The following PUM1 variants were observed in gnomAD, a reference collection of about 807,000 sequenced individuals.
The protein encoded by PUM1 is pumilio RNA binding family member 1, also known as pumilio homolog 1.
Under a neutral mutation model 131.8 loss-of-function variants are expected in PUM1, and 13 were observed. The ratio of observed to expected loss-of-function variants is 0.10; its 90% CI spans 0.06 to 0.16. PUM1 has a LOEUF of 0.16. PUM1 is among the 10% of genes least tolerant of loss of function. PUM1 has a pLI of 1.00. For missense variants in PUM1, 961 were observed against 1,512.4 expected, an observed-to-expected ratio of 0.64 and a Z score of 6.05; for synonymous variants, 509 against 556.5, an observed-to-expected ratio of 0.91 and a Z score of 1.20.
chr1:31,050,886 G>T, intron 2 of PUM1: 1 of 253,524 alleles, frequency 3.9e-6, no homozygotes. Context: ...GTCACCAGCA[G>T]CTCTACTGGA....
intron 14 of PUM1, among the ~76,000 whole-genome samples, chr1:30,960,171 T>C (rs1640346400): frequency 1.3e-5 from 2 of 152,178 alleles, no homozygotes; most frequent in Admixed American, 6.5e-5. Flanking sequence ...CCAAAGTACT[T>C]GGGACCAGAA....
At chr1:30,989,900 G>C (rs1641721039) in intron 7 of PUM1, among the ~76,000 whole-genome samples, 1 of 152,166 alleles carries the variant, frequency 6.6e-6, no homozygotes, top group Non-Finnish European at 1.5e-5. Flanking sequence ...CTACAAAACT[G>C]AGTGTCAGAG....
chr1:30,942,723 C>T (rs1472082256), intron 18 of PUM1, among the ~76,000 whole-genome samples: 2 of 152,220 alleles, frequency 1.3e-5, no homozygotes, highest in African/African-American at 4.8e-5. Flanking sequence ...GCAGCTAACA[C>T]TTACTGGATG....
At chr1:31,000,679 T>C (rs1378583201) in intron 5 of PUM1, among the ~76,000 whole-genome samples, 1 of 152,244 alleles carries the variant, frequency 6.6e-6, no homozygotes, top group Non-Finnish European at 1.5e-5. Context: ...TCATATTTAA[T>C]GGGATTAGTC....
At chr1:31,014,715 G>A (rs1007039190) in intron 3 of PUM1, among the ~76,000 whole-genome samples, 1 of 151,842 alleles carries the variant, frequency 6.6e-6, no homozygotes, top group African/African-American at 2.4e-5. Flanking sequence ...CTTGAACCCA[G>A]GAGGCGGAGG....
chr1:30,936,752 C>T lies in PUM1; in HGVS notation c.3326G>A (p.Gly1109Asp). Residue 1109 changes from glycine to aspartate, a missense_variant, in exon 21 of 22, where the codon GGT (glycine) becomes GAT (aspartate). Physicochemically the swap from Gly to Asp is moderately conservative, Grantham distance 94. This residue lies in a region of PUM1 where 178 missense variants were observed against 327.5 expected (regional missense o/e 0.54). Transcript: ENST00000426105. The stretch of plus-strand genomic sequence containing the variant: ...CATGGTGTATAAGGCACTGTGGGGA[C>T]CGTCGTTCATGGTGCACACCTCATC... Reference protein sequence around the residue: ...LIDEVCTMNDGPHSALYTMMK... With the variant: ...LIDEVCTMNDDPHSALYTMMK... The T allele has an allele frequency of 6.2e-7, 1 of 1,614,010 alleles. No homozygotes were observed. The highest frequency in any genetic ancestry group is 8.5e-7 in the Non-Finnish European group (1 of 1,179,888).
At chr1:31,063,209 C>T (rs956459804) in intron 1 of PUM1, among the ~76,000 whole-genome samples, 3 of 152,090 alleles carry the variant, frequency 2.0e-5, no homozygotes, top group Non-Finnish European at 4.4e-5. Flanking sequence ...GTTCCAAAAC[C>T]CAAGTTCTTT....
At chr1:31,053,018 T>A (rs1237932781) in intron 2 of PUM1, among the ~76,000 whole-genome samples, 1 of 138,868 alleles carries the variant, frequency 7.2e-6, no homozygotes, top group Non-Finnish European at 1.6e-5. Flanking sequence ...ATCCATCATC[T>A]TTTTTTTTTT....
At chr1:31,026,582 A>G (rs1246906521) in intron 3 of PUM1, among the ~76,000 whole-genome samples, 1 of 152,212 alleles carries the variant, frequency 6.6e-6, no homozygotes, top group Non-Finnish European at 1.5e-5. Flanking sequence ...GAAATGTTTT[A>G]CCTCTCAATT....
intron 5 of PUM1, among the ~76,000 whole-genome samples, chr1:30,998,429 G>A (rs943705805): frequency 2.6e-5 from 4 of 152,006 alleles, no homozygotes; most frequent in African/African-American, 9.7e-5. Flanking sequence ...TTGAGGCCTA[G>A]AGTTCAAGAC....
At position 30,941,137 on chromosome 1, in the gene PUM1, C is replaced by G; in HGVS notation, c.3242+14G>C. On this transcript the variant is annotated intron_variant, in intron 20 of 21. Transcript: ENST00000426105. Reference sequence around the variant, plus strand: ...CTCTTCTGGGAAATAGTCCTTGTAACTCAAAGCACGTACCTTGCAAATTTG... The same window carrying G: ...CTCTTCTGGGAAATAGTCCTTGTAAGTCAAAGCACGTACCTTGCAAATTTG... 1 of 1,608,788 alleles carries G rather than the reference C, an allele frequency of 6.2e-7. No homozygotes were observed. Among genetic ancestry groups the G allele is most frequent in the South Asian group, 1.1e-5 (1 of 90,322 alleles).
At chr1:30,984,485 GA>G (rs1641472008) in intron 7 of PUM1, among the ~76,000 whole-genome samples, 2 of 152,314 alleles carry the variant, frequency 1.3e-5, no homozygotes, top group Non-Finnish European at 2.9e-5. Flanking sequence ...TGAGTTGGGG[GA>G]AATGCTCAAA....
intron 4 of PUM1, 106 bp downstream of exon 4, chr1:31,006,888 T>A (rs1642417025): frequency 1.2e-6 from 1 of 804,868 alleles, no homozygotes; most frequent in Non-Finnish European, 2.1e-6. Context: ...AGGACACTGC[T>A]TGACATGCTT....
rs748435565 is a variant in PUM1 at position 30,974,612 on chromosome 1, G to A, written c.1506+39C>T. Reference sequence around the variant, plus strand: ...ACCTATTAATTATCCACAATACTACGATTCCCACTTAGAAGAGGTAAATTT... The same window carrying A: ...ACCTATTAATTATCCACAATACTACAATTCCCACTTAGAAGAGGTAAATTT... On this transcript the variant is annotated intron_variant, in intron 10 of 21. Coordinates refer to ENST00000426105, the MANE Select transcript of PUM1 (RefSeq NM_001020658.2). 4.5e-6 allele frequency: 7 copies of A among 1,549,404 alleles called. No individual in the cohort carries two copies. The African/African-American group carries it at 5.5e-5, about 12-fold the overall frequency.
rs758725790 is a variant in PUM1 at position 30,933,349 on chromosome 1, A to T, written c.3436-7T>A. On this transcript the variant is annotated splice_region_variant and splice_polypyrimidine_tract_variant and intron_variant, in intron 21 of 21. Coordinates refer to ENST00000426105, the MANE Select transcript of PUM1 (RefSeq NM_001020658.2). ...TTGCGATGTGGGGCCGGATCTGGGG[A>T]GGAAAGACAGTCTGTGTTACATGGC... 7 of 1,605,030 alleles carry T rather than the reference A, an allele frequency of 4.4e-6. No individual in the cohort carries two copies. Among genetic ancestry groups the T allele is most frequent in the Non-Finnish European group, 6.0e-6 (7 of 1,174,350 alleles).
Position 30,995,142 on chromosome 1 carries a change from C to G in PUM1, c.799G>C (p.Gly267Arg). 1 of 1,614,204 alleles carries G rather than the reference C, an allele frequency of 6.2e-7. No homozygotes were observed. The highest frequency in any genetic ancestry group is 8.5e-7 in the Non-Finnish European group (1 of 1,180,026). The part of the protein sequence containing the change: ...NKGTFDGDKL[G>R]DLKEEGDVMD... The stretch of plus-strand genomic sequence containing the variant: ...ACATCACCCTCCTCCTTCAAATCTC[C>G]TAGCTTATCTCCATCAAACGTACCC... Residue 267 changes from glycine to arginine, a missense_variant, in exon 6 of 22, where the codon GGA becomes CGA. By Grantham distance (125) the Gly-to-Arg change is moderately radical. Transcript: ENST00000426105.
chr1:31,019,187 C>T (rs12044841), intron 3 of PUM1, among the ~76,000 whole-genome samples: 43,259 of 151,944 alleles, frequency 0.28, 7,991 homozygotes, highest in East Asian at 0.53. Context: ...ACCCCGCCTC[C>T]ATTAGAAGTA....
intron 2 of PUM1, among the ~76,000 whole-genome samples, chr1:31,053,263 G>A (rs1036228553): frequency 6.6e-6 from 1 of 150,682 alleles, no homozygotes; most frequent in African/African-American, 2.4e-5. Flanking sequence ...GCCTCCCAAA[G>A]TGCTGGGAGT....
chr1:31,033,214 T>C (rs1226787625), intron 2 of PUM1, among the ~76,000 whole-genome samples: 1 of 145,328 alleles, frequency 6.9e-6, no homozygotes, highest in East Asian at 2.0e-4. Flanking sequence ...TGATTTTTCC[T>C]TTTTTTTTTT....
Sources: gnomAD v4.1 joint callset for allele counts (sites outside exome capture counted in the v4.1 genomes callset) on GRCh38, gnomAD v4.1.1 for gene constraint, gnomAD v4.1.1 regional missense constraint, MANE v1.5 for transcripts, NCBI Gene and HGNC (gene_info 2026-07-23, HGNC 2026-07-21) for gene names.